FLCN: variants seen among roughly 807,000 people sequenced by gnomAD.
The protein encoded by FLCN is folliculin.
FLCN carries 22 observed loss-of-function variants against 62.5 expected under a neutral mutation model. The observed-to-expected ratio is 0.35, with a 90% CI of 0.25 to 0.50. FLCN has a LOEUF of 0.50. FLCN is among the 20% of genes least tolerant of loss of function. FLCN has a pLI of 0.97. For missense variants in FLCN, 657 were observed against 778.0 expected, an observed-to-expected ratio of 0.84 and a Z score of 1.85; for synonymous variants, 319 against 310.0, an observed-to-expected ratio of 1.03 and a Z score of -0.30.
intron 1 of FLCN, among the ~76,000 whole-genome samples, chr17:17,234,907 T>C (rs376531540): frequency 3.3e-5 from 5 of 151,762 alleles, no homozygotes; most frequent in African/African-American, 1.2e-4. Flanking sequence ...GTCAGGAGAT[T>C]GAGACCATCC....
At chr17:17,218,547 G>A (rs1012677937) in intron 9 of FLCN, among the ~76,000 whole-genome samples, 1 of 152,052 alleles carries the variant, frequency 6.6e-6, no homozygotes, top group African/African-American at 2.4e-5. Flanking sequence ...ACCATGCCCA[G>A]CTAATTTTTG....
chr17:17,223,874 T>G (rs754872443), intron 6 of FLCN, 48 bp downstream of exon 6: 1 of 1,596,130 alleles, frequency 6.3e-7, no homozygotes, highest in East Asian at 2.2e-5. Flanking sequence ...GAGCGGCTCA[T>G]GCAGTGCAGG....
intron 2 of FLCN, among the ~76,000 whole-genome samples, chr17:17,232,550 T>A (rs2145104429): frequency 6.6e-6 from 1 of 152,066 alleles, no homozygotes; most frequent in East Asian, 1.9e-4. Context: ...GCCCACAGGG[T>A]TCACTATGAT....
At chr17:17,227,849 A>C in intron 4 of FLCN, 40 bp downstream of exon 4, 1 of 1,613,702 alleles carries the variant, frequency 6.2e-7, no homozygotes, top group Non-Finnish European at 8.5e-7. Flanking sequence ...TCCCACACCT[A>C]CTGCAGGGAT....
At chr17:17,222,374 G>A in intron 7 of FLCN, 127 bp downstream of exon 7, 9 of 1,346,046 alleles carry the variant, frequency 6.7e-6, no homozygotes, top group South Asian at 2.5e-5. Flanking sequence ...CCACAGGCCA[G>A]TGCTCCTCAC....
rs755177473 is a variant in FLCN at position 17,216,424 on chromosome 17, C to A, written c.1256G>T (p.Gly419Val). The change falls in exon 11 of 14, where the codon GGG (glycine) becomes GTG (valine). Residue 419 changes from glycine to valine, a missense_variant. By Grantham distance (109) the Gly-to-Val change is moderately radical. Coordinates refer to ENST00000285071, the MANE Select transcript of FLCN (RefSeq NM_144997.7). This position sits in a 1 kb window ranked among gnomAD's most constrained non-coding sequence, Gnocchi z 4.0. ...YEEAYRCNFL[G>V]LSPHVQIPPH... ...GGGGATCTGCACGTGCGGGCTGAGC[C>A]CCAGGAAGTTGCACCGATAGGCCTC... 6.2e-7 allele frequency: 1 copy of A among 1,613,850 alleles called. No homozygotes were observed.
At chr17:17,222,111 T>G (rs1254641149) in intron 7 of FLCN, among the ~76,000 whole-genome samples, 2 of 149,406 alleles carry the variant, frequency 1.3e-5, no homozygotes, top group Non-Finnish European at 3.0e-5. Context: ...CTGAGGCAGG[T>G]GGATCACATG....
At chr17:17,221,326 T>C (rs2047077562) in intron 8 of FLCN, 9 of 1,558,412 alleles carry the variant, frequency 5.8e-6, no homozygotes, top group Non-Finnish European at 7.8e-6. Context: ...GAACAGATTC[T>C]TTCACATGGC....
intron 4 of FLCN, among the ~76,000 whole-genome samples, chr17:17,227,428 C>G (rs1455848513): frequency 6.6e-6 from 1 of 152,120 alleles, no homozygotes; most frequent in Non-Finnish European, 1.5e-5. Flanking sequence ...AAGAAGTTAA[C>G]ATAGGCTGGG....
chr17:17,215,005 G>A lies in FLCN; in HGVS notation c.1518C>T (p.Cys506=). ...CTTACTTCATCCACTCCTCCTTGAG[G>A]CAGACGAGGCACTGGTCCACCACAT... ...SVDVVDQCLV[C]LKEEWMNKVK... The change falls in exon 13 of 14, where the codon TGC becomes TGT. Residue 506 remains cysteine (C), a synonymous_variant. Transcript: ENST00000285071. 1 of 1,614,132 alleles carries A rather than the reference G, an allele frequency of 6.2e-7. No homozygotes were observed. Among genetic ancestry groups the A allele is most frequent in the South Asian group, 1.1e-5 (1 of 91,082 alleles).
At chr17:17,230,190 C>T (rs922047980) in intron 3 of FLCN, among the ~76,000 whole-genome samples, 4 of 152,154 alleles carry the variant, frequency 2.6e-5, no homozygotes, top group Non-Finnish European at 5.9e-5. Context: ...GTGGCCACAG[C>T]TATGTGTGAC....
At chr17:17,230,062 A>G (rs528692132) in intron 3 of FLCN, among the ~76,000 whole-genome samples, 1 of 152,338 alleles carries the variant, frequency 6.6e-6, no homozygotes, top group East Asian at 1.9e-4. Context: ...TCTCACTGGC[A>G]GAGAAGTTCT....
chr17:17,230,725 CAAA>C (rs758208758), intron 3 of FLCN, among the ~76,000 whole-genome samples: 2 of 66,084 alleles, frequency 3.0e-5, no homozygotes. Flanking sequence ...GACTCCATCT[CAAA>C]AAAAAAAAAA....
In FLCN at chr17:17,226,059, C is replaced by T. The variant is rs776440629; in HGVS notation, c.396+117G>A. On this transcript the variant is annotated intron_variant, in intron 5 of 13. Transcript: ENST00000285071. ...CCTGTGCTGTGCTGATCTGCGGGTC[C>T]GCCCTGAGAGAGGACCAGTGCCTGC... is the stretch of plus-strand genomic sequence containing the variant. 5.0e-5 allele frequency: 72 copies of T among 1,437,274 alleles called. 1 individual carries two copies. The East Asian group carries it at 1.4e-3, about 28-fold the overall frequency. 89.0% of individuals were successfully genotyped at this position (1,437,274 alleles called of 1,614,324 possible).
chr17:17,236,075 G>A (rs1015179800), intron 1 of FLCN: 1 of 152,138 alleles, frequency 6.6e-6, no homozygotes, highest in Non-Finnish European at 1.5e-5. Context: ...CTAAGTAAGG[G>A]CACTCTAAAT....
chr17:17,234,681 T>C (rs934832628), intron 1 of FLCN, among the ~76,000 whole-genome samples: 3 of 149,976 alleles, frequency 2.0e-5, no homozygotes, highest in African/African-American at 7.4e-5. Flanking sequence ...CTGTCTCTAC[T>C]AAAAATAGAA....
At chr17:17,218,231 T>G (rs1172145837) in intron 9 of FLCN, among the ~76,000 whole-genome samples, 1 of 152,184 alleles carries the variant, frequency 6.6e-6, no homozygotes, top group Non-Finnish European at 1.5e-5. Context: ...GATTTTGTCG[T>G]GTCTGGCAGG....
chr17:17,227,402 G>A lies in FLCN; in HGVS notation c.249+487C>T, dbSNP rs369728751. ...ATACAAACATGAAGGCCACGGCAGG[G>A]AGGCAGAGTGGGTTAAAGAAGTTAA... On this transcript the variant is annotated intron_variant, in intron 4 of 13. Transcript: ENST00000285071. 2.6e-3 allele frequency among the ~76,000 whole-genome samples: 395 copies of A among 152,262 alleles called. 4 individuals carry two copies. In the Middle Eastern group the frequency reaches 0.031, roughly 12 times the overall value.
At chr17:17,222,941 G>A (rs1476374483) in intron 6 of FLCN, 3 of 472,732 alleles carry the variant, frequency 6.3e-6, no homozygotes, top group Non-Finnish European at 1.2e-5. Context: ...TCTCGTGAGT[G>A]GCCATCTGCG....
Sources: allele counts gnomAD v4.1 joint callset (sites outside exome capture counted in the v4.1 genomes callset), GRCh38; gene constraint gnomAD v4.1.1; non-coding constraint Gnocchi (gnomAD v3.1); transcripts MANE v1.5; gene names NCBI Gene and HGNC (gene_info 2026-07-23, HGNC 2026-07-21).